The following RBBP5 variants were observed in gnomAD, a reference collection of about 807,000 sequenced individuals.
RBBP5 encodes retinoblastoma-binding protein 5.
A neutral mutation model predicts 72.2 loss-of-function variants in RBBP5; 5 were observed. The observed-to-expected ratio is 0.07, with a 90% confidence interval of 0.04 to 0.15. The LOEUF (loss-of-function observed/expected upper bound fraction) is 0.15. RBBP5 is among the 10% of genes least tolerant of loss of function. The pLI is 1.00. For synonymous variants in RBBP5, 209 were observed against 237.2 expected, an observed-to-expected ratio of 0.88 and a Z score of 1.09; for missense variants, 322 against 652.2, an observed-to-expected ratio of 0.49 and a Z score of 5.51.
At chr1:205,119,807 C>T (rs1256704792) in intron 1 of RBBP5, among the ~76,000 whole-genome samples, 2 of 152,200 alleles carry the variant, frequency 1.3e-5, no homozygotes, top group Admixed American at 6.5e-5. Flanking sequence ...CGTTAGCTAA[C>T]TTATTATCTC....
chr1:205,116,063 T>A, intron 1 of RBBP5, 180 bp from the exon 2 acceptor site: 1 of 1,289,376 alleles, frequency 7.8e-7, no homozygotes, highest in South Asian at 1.3e-5. Flanking sequence ...TTTACTCTCA[T>A]TATCTCGGAA....
At chr1:205,093,105 C>T (rs1655414433) in intron 13 of RBBP5, among the ~76,000 whole-genome samples, 1 of 152,006 alleles carries the variant, frequency 6.6e-6, no homozygotes, top group Non-Finnish European at 1.5e-5. Context: ...CTCTTATTTA[C>T]ATCTAGTCAT....
rs775976350 is a variant in RBBP5 at position 205,101,716 on chromosome 1, T to A, written c.523-7A>T. On this transcript the variant is annotated splice_region_variant and splice_polypyrimidine_tract_variant and intron_variant, in intron 5 of 13. Coordinates refer to ENST00000264515, the MANE Select transcript of RBBP5 (RefSeq NM_005057.4). Reference sequence around the variant, plus strand: ...CTGTTTTTAGGACCAAAATCTAAAGTTTAAAGGAGGGGGGAAAAAAGTAAG... The same window carrying A: ...CTGTTTTTAGGACCAAAATCTAAAGATTAAAGGAGGGGGGAAAAAAGTAAG... The A allele has an allele frequency of 5.6e-5, 90 of 1,595,782 alleles. No homozygotes were observed. The Admixed American group carries it at 1.5e-3, about 27-fold the overall frequency.
intron 3 of RBBP5, among the ~76,000 whole-genome samples, chr1:205,105,737 T>C (rs1400336963): frequency 6.6e-6 from 1 of 152,224 alleles, no homozygotes; most frequent in East Asian, 1.9e-4. Flanking sequence ...CTGAATTTTC[T>C]GCCTCATGTT....
chr1:205,100,112 T>A, intron 7 of RBBP5, 40 bp downstream of exon 7: 1 of 1,614,024 alleles, frequency 6.2e-7, no homozygotes, highest in Non-Finnish European at 8.5e-7. Flanking sequence ...CAAGCCCAGG[T>A]CATGAATGAT....
In RBBP5 at chr1:205,099,729, T is replaced by C. The variant is rs77415331; in HGVS notation, c.978+12A>G. 4,008 of 1,597,884 alleles carry C rather than the reference T, an allele frequency of 2.5e-3. 79 individuals are homozygous for C. In the East Asian group the frequency reaches 0.048, roughly 19 times the overall value. On this transcript the variant is annotated intron_variant, in intron 9 of 13. Transcript: ENST00000264515. The surrounding 1 kb of genome is among the most constrained non-coding windows in gnomAD (Gnocchi z 4.7). ...GTAACTAGTTTCGAAGCAAGTAAAATAGAATACTTACTACTTGATTCTGTG... is the reference window on the plus strand; with the variant it reads ...GTAACTAGTTTCGAAGCAAGTAAAACAGAATACTTACTACTTGATTCTGTG...
chr1:205,103,223 C>CAAAAA (rs35295093), intron 5 of RBBP5, among the ~76,000 whole-genome samples: 2 of 91,378 alleles, frequency 2.2e-5, no homozygotes, highest in African/African-American at 4.3e-5. Flanking sequence ...GACTCCATCT[C>CAAAAA]AAAAAAAAAA....
chr1:205,098,878 G>A (rs1445565259), intron 10 of RBBP5, 111 bp downstream of exon 10: 1 of 658,648 alleles, frequency 1.5e-6, no homozygotes, highest in Admixed American at 3.1e-5. Flanking sequence ...TGGGGTGGAG[G>A]GGGGCATTTT....
At chr1:205,091,693 C>A (rs542887390) in intron 13 of RBBP5, 1 of 152,178 alleles carries the variant, frequency 6.6e-6, no homozygotes, top group Admixed American at 6.5e-5. Flanking sequence ...CAGATATTAA[C>A]AAACAGTTGT....
At position 205,121,931 on chromosome 1, in the gene RBBP5, G is replaced by T; in HGVS notation, c.-58C>A. 1.2e-6 allele frequency: 2 copies of T among 1,604,180 alleles called. No individual in the cohort carries two copies. The highest frequency in any genetic ancestry group is 1.1e-5 in the South Asian group (1 of 91,016). ...CGGCAACAACACCTTCTCCCCGGCC[G>T]GCTTCAGCAACTTGCGTCTAAGTGG... On this transcript the variant is annotated 5_prime_UTR_variant, in exon 1 of 14. Transcript: ENST00000264515.
intron 5 of RBBP5, 27 bp from the exon 6 acceptor site, chr1:205,101,736 A>T: frequency 5.3e-6 from 8 of 1,502,624 alleles, no homozygotes; most frequent in Non-Finnish European, 7.4e-6. Context: ...GGGGGAAAAA[A>T]GTAAGTGTTC....
chr1:205,100,358 G>T, intron 6 of RBBP5, 87 bp from the exon 7 acceptor site: 2 of 1,487,308 alleles, frequency 1.3e-6, no homozygotes, highest in Non-Finnish European at 1.8e-6. Context: ...GGGAAGAATT[G>T]AGGAAAAATC....
chr1:205,116,306 TA>T (rs1188818546), intron 1 of RBBP5: 1 of 376,826 alleles, frequency 2.7e-6, no homozygotes, highest in African/African-American at 2.1e-5. Flanking sequence ...TAATATGCTT[TA>T]AAAATATTAT....
chr1:205,121,709 C>T (rs1656743088), intron 1 of RBBP5, 146 bp downstream of exon 1: 4 of 1,340,704 alleles, frequency 3.0e-6, no homozygotes, highest in Middle Eastern at 1.8e-4. Flanking sequence ...GGGCTTCCTC[C>T]TCCCGCTGCT....
rs1655744364 is a variant in RBBP5 at position 205,099,595 on chromosome 1, C to T, written c.978+146G>A. ...ACCTTCCCACCAAAATAAAGTGCAA[C>T]TAGATGCACTGAACCTATGTAATTT... is the stretch of plus-strand genomic sequence containing the variant. On this transcript the variant is annotated intron_variant, in intron 9 of 13. Coordinates refer to ENST00000264515, the MANE Select transcript of RBBP5 (RefSeq NM_005057.4). The surrounding 1 kb of genome is among the most constrained non-coding windows in gnomAD (Gnocchi z 4.7). 1.2e-6 allele frequency: 1 copy of T among 810,882 alleles called. No individual in the cohort carries two copies. The highest frequency in any genetic ancestry group is 1.9e-6 in the Non-Finnish European group (1 of 535,558). The allele number at this position is 810,882 out of a possible 1,614,324, so 50.2% of individuals were successfully genotyped here. A position where few individuals can be genotyped will look rare whatever the true frequency, so the allele number is the denominator to read the frequency against.
chr1:205,105,296 C>T (rs3738155), intron 3 of RBBP5, 128 bp from the exon 4 acceptor site: 413,708 of 1,067,540 alleles, frequency 0.39, 88,534 homozygotes, highest in Non-Finnish European at 0.45. Flanking sequence ...TTTTGTTCCA[C>T]GTATACTCAA....
At chr1:205,100,479 T>C (rs1016119401) in intron 6 of RBBP5, among the ~76,000 whole-genome samples, 2 of 152,182 alleles carry the variant, frequency 1.3e-5, no homozygotes, top group Non-Finnish European at 2.9e-5. Context: ...ACCCAAAATA[T>C]ACAAATTGTC....
chr1:205,116,544 C>T (rs1408711566), intron 1 of RBBP5, among the ~76,000 whole-genome samples: 1 of 152,172 alleles, frequency 6.6e-6, no homozygotes, highest in East Asian at 1.9e-4. Flanking sequence ...AGGAGCCGGG[C>T]TCGGTGGCTC....
At chr1:205,098,575 G>C (rs1655702340) in intron 10 of RBBP5, among the ~76,000 whole-genome samples, 1 of 152,138 alleles carries the variant, frequency 6.6e-6, no homozygotes, top group African/African-American at 2.4e-5. Flanking sequence ...CAGGCACAGT[G>C]GCTCATGTCT....
Sources: allele counts gnomAD v4.1 joint callset (sites outside exome capture counted in the v4.1 genomes callset), GRCh38; gene constraint gnomAD v4.1.1; non-coding constraint Gnocchi (gnomAD v3.1); transcripts MANE v1.5; gene names NCBI Gene and HGNC (gene_info 2026-07-23, HGNC 2026-07-21).